Variants in TBXAS1 observed in about 807,000 individuals in gnomAD.
TBXAS1 encodes the protein thromboxane A synthase 1, also known as thromboxane-A synthase.
A neutral mutation model predicts 60.7 loss-of-function variants in TBXAS1; 48 were observed. The ratio of observed to expected loss-of-function variants is 0.79; its 90% CI spans 0.63 to 1.01. The LOEUF (loss-of-function observed/expected upper bound fraction) is 1.01, where lower values mean the gene tolerates loss of function less well. Among genes scored for constraint, TBXAS1 ranks in the 50% least tolerant of loss-of-function variants. The pLI, the probability that TBXAS1 is intolerant of heterozygous loss-of-function variation, is 0.00. For missense variants in TBXAS1, 685 were observed against 686.3 expected, an observed-to-expected ratio of 1.00 and a Z score of 0.02; for synonymous variants, 287 against 269.7, an observed-to-expected ratio of 1.06 and a Z score of -0.63.
chr7:139,904,350 C>T, intron 3 of TBXAS1, among the ~76,000 whole-genome samples: 1 of 151,996 alleles, frequency 6.6e-6, no homozygotes, highest in East Asian at 1.9e-4. Flanking sequence ...TAGCTATGGC[C>T]TTATAGTATA....
At chr7:139,794,797 G>T (rs542300208) in intron 4 of TBXAS1, among the ~76,000 whole-genome samples, 3 of 150,982 alleles carry the variant, frequency 2.0e-5, no homozygotes, top group Non-Finnish European at 4.4e-5. Flanking sequence ...AGTTTACTGA[G>T]AATGATGTTT....
chr7:139,818,060 A>T (rs1798196656), intron 4 of TBXAS1, among the ~76,000 whole-genome samples: 1 of 152,252 alleles, frequency 6.6e-6, no homozygotes, highest in Admixed American at 6.5e-5. Flanking sequence ...TTGTTGAACC[A>T]GATATAACTC....
At chr7:139,837,506 T>C (rs933188681) in intron 1 of TBXAS1, among the ~76,000 whole-genome samples, 3 of 152,194 alleles carry the variant, frequency 2.0e-5, no homozygotes, top group Admixed American at 6.5e-5. Context: ...TTAACAGCAT[T>C]TGCAGTGACC....
intron 1 of TBXAS1, among the ~76,000 whole-genome samples, chr7:139,871,991 A>T (rs1801854955): frequency 6.6e-6 from 1 of 152,198 alleles, no homozygotes; most frequent in Admixed American, 6.5e-5. Context: ...TCTGTAAGGC[A>T]TCTCCAGCTC....
intron 12 of TBXAS1, among the ~76,000 whole-genome samples, chr7:140,018,869 A>G (rs532659555): frequency 6.6e-6 from 1 of 152,304 alleles, no homozygotes; most frequent in East Asian, 1.9e-4. Context: ...CAAATGGATA[A>G]GCAGCCAGAG....
chr7:139,800,808 T>A (rs1419404107), intron 4 of TBXAS1, among the ~76,000 whole-genome samples: 2 of 152,254 alleles, frequency 1.3e-5, no homozygotes, highest in Non-Finnish European at 2.9e-5. Context: ...TCCTCTGGAA[T>A]CCTGACCTAA....
chr7:139,960,045 A>G (rs1182539713), intron 8 of TBXAS1, among the ~76,000 whole-genome samples: 1 of 152,242 alleles, frequency 6.6e-6, no homozygotes, highest in African/African-American at 2.4e-5. Flanking sequence ...GAGCAGGGCC[A>G]GGGTGGAATG....
intron 4 of TBXAS1, among the ~76,000 whole-genome samples, chr7:139,817,056 T>G (rs766199883): frequency 5.3e-5 from 8 of 152,140 alleles, no homozygotes; most frequent in Non-Finnish European, 1.2e-4. Flanking sequence ...TCCTTCCCAA[T>G]CAGTTGCCAA....
intron 3 of TBXAS1, among the ~76,000 whole-genome samples, chr7:139,785,225 G>C (rs922436412): frequency 3.9e-5 from 6 of 152,074 alleles, no homozygotes; most frequent in Non-Finnish European, 8.8e-5. Flanking sequence ...TTGATGGACT[G>C]GACCTAAGCT....
At chr7:139,833,493 G>A (rs567228599) in intron 1 of TBXAS1, among the ~76,000 whole-genome samples, 18 of 111,392 alleles carry the variant, frequency 1.6e-4, no homozygotes, top group Admixed American at 6.1e-4. Context: ...GTGAAACCCC[G>A]TCTCTACTAA....
intron 1 of TBXAS1, among the ~76,000 whole-genome samples, chr7:139,863,661 G>A (rs531107138): frequency 5.3e-5 from 8 of 152,202 alleles, no homozygotes; most frequent in Admixed American, 1.3e-4. Context: ...CTTTAAATGC[G>A]TTCATTGAAA....
chr7:139,864,937 A>G (rs1322897204), intron 1 of TBXAS1, among the ~76,000 whole-genome samples: 1 of 152,210 alleles, frequency 6.6e-6, no homozygotes, highest in Non-Finnish European at 1.5e-5. Context: ...AAGTACCTGG[A>G]AAGGAGGTAC....
chr7:139,783,286 C>T (rs892480905), intron 3 of TBXAS1, among the ~76,000 whole-genome samples: 2 of 151,820 alleles, frequency 1.3e-5, no homozygotes, highest in East Asian at 3.9e-4. Flanking sequence ...TGATCAGACA[C>T]CTGAACAGGG....
At chr7:139,824,976 C>T (rs562050073), upstream of TBXAS1, among the ~76,000 whole-genome samples, 1 of 151,728 alleles carries the variant, frequency 6.6e-6, no homozygotes, top group Non-Finnish European at 1.5e-5. Context: ...ATTACAGGCA[C>T]CTGCCATCAT....
intron 4 of TBXAS1, among the ~76,000 whole-genome samples, chr7:139,816,333 G>A (rs1050253428): frequency 6.6e-6 from 1 of 152,226 alleles, no homozygotes; most frequent in African/African-American, 2.4e-5. Context: ...GGGGGACAGA[G>A]GAGCGTGCTT....
At chr7:139,932,549 A>C (rs1252845058) in intron 4 of TBXAS1, among the ~76,000 whole-genome samples, 5 of 152,048 alleles carry the variant, frequency 3.3e-5, no homozygotes, top group Non-Finnish European at 7.4e-5. Flanking sequence ...AAAAAAAAAA[A>C]CAAAACCTAA....
chr7:139,815,996 A>G (rs1374113134), intron 4 of TBXAS1, among the ~76,000 whole-genome samples: 1 of 152,136 alleles, frequency 6.6e-6, no homozygotes, highest in East Asian at 1.9e-4. Context: ...CCACTTGTCA[A>G]GGGAGGGATC....
chr7:139,907,748 G>A (rs1238231666), intron 3 of TBXAS1, among the ~76,000 whole-genome samples: 1 of 151,974 alleles, frequency 6.6e-6, no homozygotes, highest in African/African-American at 2.4e-5. Context: ...GCCTGGAGAT[G>A]TGTTTTTCAG....
At chr7:139,822,405 T>C (rs1320250356) in intron 4 of TBXAS1, among the ~76,000 whole-genome samples, 1 of 152,184 alleles carries the variant, frequency 6.6e-6, no homozygotes. Context: ...CTACCTGTTC[T>C]CTGTAGCCCA....
Sources: allele counts gnomAD v4.1 joint callset (sites outside exome capture counted in the v4.1 genomes callset), GRCh38; gene constraint gnomAD v4.1.1; transcripts MANE v1.5; gene names NCBI Gene and HGNC (gene_info 2026-07-23, HGNC 2026-07-21).